ZNF385D: variants seen among roughly 807,000 people sequenced by gnomAD.
ZNF385D encodes the protein zinc finger protein 659.
In ZNF385D, 15 loss-of-function variants were observed where a neutral mutation model predicts 35.8. The ratio of observed to expected loss-of-function variants is 0.42; its 90% CI spans 0.28 to 0.64. The LOEUF (loss-of-function observed/expected upper bound fraction) is 0.64, where lower values mean the gene tolerates loss of function less well. Among genes scored for constraint, ZNF385D ranks in the 30% least tolerant of loss-of-function variants. The pLI is 0.23. For synonymous variants in ZNF385D, 212 were observed against 186.8 expected, an observed-to-expected ratio of 1.13 and a Z score of -1.10; for missense variants, 474 against 494.6, an observed-to-expected ratio of 0.96 and a Z score of 0.39.
chr3:21,619,395 G>T (rs2064938189), intron 2 of ZNF385D, among the ~76,000 whole-genome samples: 1 of 150,624 alleles, frequency 6.6e-6, no homozygotes, highest in African/African-American at 2.5e-5. Context: ...GTCTTTCTTA[G>T]TTGTCATCGT....
chr3:21,603,581 T>G (rs4858338), intron 2 of ZNF385D, among the ~76,000 whole-genome samples: 109,833 of 151,778 alleles, frequency 0.72, 40,397 homozygotes, highest in East Asian at 0.9. Flanking sequence ...ATAATAACTC[T>G]AAACAAGTGA....
intron 2 of ZNF385D, among the ~76,000 whole-genome samples, chr3:22,309,564 A>G (rs1027827460): frequency 6.6e-6 from 1 of 152,094 alleles, no homozygotes; most frequent in African/African-American, 2.4e-5. Flanking sequence ...TGTAAAAGAC[A>G]GGGTCCAAGA....
chr3:21,732,027 GGGGTTTTTTTTTTTTTTTTTTTTTTT>G lies in ZNF385D; in HGVS notation c.22+18842_22+18867del, dbSNP rs2069026744. Among the ~76,000 whole-genome samples, 7 of 64,278 alleles carry G rather than the reference GGGGTTTTTTTTTTTTTTTTTTTTTTT, an allele frequency of 1.1e-4. 1 individual carries two copies. Among genetic ancestry groups the G allele is most frequent in the Non-Finnish European group, 1.6e-4 (6 of 36,644 alleles). The allele number at this position is 64,278 out of a possible 152,430, so 42.2% of individuals were successfully genotyped here. A position where few individuals can be genotyped will look rare whatever the true frequency, so the allele number is the denominator to read the frequency against. On this transcript the variant is annotated intron_variant, in intron 1 of 7. Coordinates refer to ENST00000281523, the MANE Select transcript of ZNF385D (RefSeq NM_024697.3). ...CTATTCAGGGTTTTTTTCTTTTTTC[GGGGTTTTTTTTTTTTTTTTTTTTTTT>G]TTTTTTTTTTTTTTTTGAGAACGGA...
chr3:21,890,996 C>T (rs1159131425), intron 3 of ZNF385D, among the ~76,000 whole-genome samples: 2 of 152,086 alleles, frequency 1.3e-5, no homozygotes, highest in Non-Finnish European at 2.9e-5. Flanking sequence ...GAAAAGCAAA[C>T]CCACTTGGAA....
intron 2 of ZNF385D, among the ~76,000 whole-genome samples, chr3:22,269,195 C>T (rs1172392053): frequency 6.6e-6 from 1 of 151,894 alleles, no homozygotes; most frequent in Admixed American, 6.6e-5. Context: ...ATTCTTATAT[C>T]CCCAGCACTA....
intron 3 of ZNF385D, chr3:22,134,369 T>C (rs1483228289): frequency 6.6e-6 from 1 of 152,122 alleles, no homozygotes; most frequent in Non-Finnish European, 1.5e-5. Context: ...AACTTCCAAA[T>C]GCTTGAAGCA....
rs2065759649 is a variant in ZNF385D at position 21,646,599 on chromosome 3, T to C, written c.165+18287A>G. Among the ~76,000 whole-genome samples the C allele has an allele frequency of 2.6e-5, 4 of 152,212 alleles. No individual in the cohort carries two copies. The highest frequency in any genetic ancestry group is 2.6e-4 in the Admixed American group (4 of 15,276). Reference sequence around the variant, plus strand: ...TAACAAATAGTGAATTTTGGAAATATGTCAGACCTAGATAAACTCTGATAA... The same window carrying C: ...TAACAAATAGTGAATTTTGGAAATACGTCAGACCTAGATAAACTCTGATAA... On this transcript the variant is annotated intron_variant, in intron 2 of 7. Transcript: ENST00000281523. This position sits in a 1 kb window ranked among gnomAD's most constrained non-coding sequence, Gnocchi z 4.3.
chr3:22,348,485 T>TAAAAAAAAAAAAAAAAAAAAAA (rs1168729541), intron 2 of ZNF385D, among the ~76,000 whole-genome samples: 18 of 84,866 alleles, frequency 2.1e-4, no homozygotes, highest in East Asian at 6.9e-4. Flanking sequence ...CCATCTCTAC[T>TAAAAAAAAAAAAAAAAAAAAAA]AAAAAAAAAA....
intron 3 of ZNF385D, among the ~76,000 whole-genome samples, chr3:22,025,543 T>C (rs1274382558): frequency 1.3e-5 from 2 of 152,140 alleles, no homozygotes; most frequent in Non-Finnish European, 2.9e-5. Flanking sequence ...GGTGAATTTA[T>C]CGATTTGGGC....
At chr3:22,296,770 C>A (rs1392070261) in intron 2 of ZNF385D, among the ~76,000 whole-genome samples, 1 of 152,054 alleles carries the variant, frequency 6.6e-6, no homozygotes, top group Non-Finnish European at 1.5e-5. Flanking sequence ...TTGAGTTTCC[C>A]CACAGCATAG....
chr3:22,282,087 G>A (rs1701776478), intron 2 of ZNF385D, among the ~76,000 whole-genome samples: 3 of 152,082 alleles, frequency 2.0e-5, no homozygotes, highest in South Asian at 2.1e-4. Context: ...GTTATCAGTT[G>A]TAATATATCC....
chr3:22,073,370 C>T (rs189437508), intron 3 of ZNF385D, among the ~76,000 whole-genome samples: 2 of 149,314 alleles, frequency 1.3e-5, no homozygotes, highest in Non-Finnish European at 3.0e-5. Flanking sequence ...TCCTCTGAAG[C>T]AGGGTGGGGT....
chr3:21,970,780 A>G (rs1703200712), intron 3 of ZNF385D, among the ~76,000 whole-genome samples: 1 of 152,146 alleles, frequency 6.6e-6, no homozygotes, highest in Admixed American at 6.6e-5. Context: ...TCAAACTCCT[A>G]AAGACAAACA....
chr3:22,132,699 T>C (rs1703872434), intron 3 of ZNF385D, among the ~76,000 whole-genome samples: 1 of 152,094 alleles, frequency 6.6e-6, no homozygotes, highest in South Asian at 2.1e-4. Flanking sequence ...ATATTTCAGA[T>C]TGTTTAAAGA....
chr3:22,231,885 A>G (rs1056291008), intron 2 of ZNF385D, among the ~76,000 whole-genome samples: 1 of 152,000 alleles, frequency 6.6e-6, no homozygotes. Context: ...TAGAATTCTC[A>G]CAAGATCTGG....
At chr3:22,024,413 G>C (rs893377166) in intron 3 of ZNF385D, among the ~76,000 whole-genome samples, 2 of 152,058 alleles carry the variant, frequency 1.3e-5, no homozygotes, top group Non-Finnish European at 2.9e-5. Flanking sequence ...AGTGGTTCTA[G>C]AATATTAAGG....
intron 3 of ZNF385D, among the ~76,000 whole-genome samples, chr3:22,111,597 T>C (rs1247614370): frequency 2.0e-5 from 3 of 152,158 alleles, no homozygotes; most frequent in African/African-American, 4.8e-5. Context: ...TGTTCAACCA[T>C]TGCTGATTCC....
At chr3:22,276,205 T>C (rs1701418536) in intron 2 of ZNF385D, among the ~76,000 whole-genome samples, 1 of 152,200 alleles carries the variant, frequency 6.6e-6, no homozygotes, top group African/African-American at 2.4e-5. Context: ...TACATTTCTA[T>C]ACTTTTGGAA....
At chr3:22,302,033 T>C (rs1003189870) in intron 2 of ZNF385D, among the ~76,000 whole-genome samples, 1 of 152,088 alleles carries the variant, frequency 6.6e-6, no homozygotes, top group Non-Finnish European at 1.5e-5. Flanking sequence ...ATTTATATTG[T>C]TTCCATGTTT....
Sources: allele counts gnomAD v4.1 joint callset (sites outside exome capture counted in the v4.1 genomes callset), GRCh38; gene constraint gnomAD v4.1.1; non-coding constraint Gnocchi (gnomAD v3.1); transcripts MANE v1.5; gene names NCBI Gene and HGNC (gene_info 2026-07-23, HGNC 2026-07-21).